CHD8: variants seen among roughly 807,000 people sequenced by gnomAD.
CHD8 encodes the protein ATP-dependent chromatin remodeler CHD8.
A neutral mutation model predicts 279.2 loss-of-function variants in CHD8; 31 were observed. That is an observed-to-expected ratio of 0.11 (90% CI 0.08 to 0.15). The LOEUF (loss-of-function observed/expected upper bound fraction) is 0.15, where lower values mean the gene tolerates loss of function less well. Ranked by LOEUF, CHD8 falls within the 10% of genes least tolerant of loss-of-function variation. The pLI is 1.00. For synonymous variants in CHD8, 1,081 were observed against 1,139.6 expected (o/e 0.95, Z 1.04); for missense variants, 2,146 against 3,230.5 (o/e 0.66, Z 8.14).
chr14:21,441,252 C>T (rs556738576), intron 1 of CHD8, among the ~76,000 whole-genome samples: 1 of 152,264 alleles, frequency 6.6e-6, no homozygotes, highest in African/African-American at 2.4e-5. Context: ...CTTTGGTCTT[C>T]CCTCCTTTGA....
intron 37 of CHD8, among the ~76,000 whole-genome samples, chr14:21,387,589 A>C (rs1857019102): frequency 6.7e-6 from 1 of 150,172 alleles, no homozygotes; most frequent in Admixed American, 6.7e-5. Flanking sequence ...AGCAGAGATC[A>C]CGGCATTGTA....
rs55884219 is a variant in CHD8, at chr14:21,394,376, G to A, written c.5500C>T (p.Arg1834Ter). The change falls in exon 31 of 38, where the codon CGA becomes TGA. Residue 1834 changes from arginine (R) to a stop codon, truncating the protein, a stop_gained. Transcript: ENST00000646647. LOFTEE classifies it high-confidence loss of function. ...FHWDRFRTFA[R>*]LDKKTDESLT... ...CTTTCATCTGTCTTTTTGTCTAGTC[G>A]AGCAAAAGTGCGGAAGCGATCCCAA... The A allele has an allele frequency of 6.2e-7, 1 of 1,613,866 alleles. No homozygotes were observed. Among genetic ancestry groups the A allele is most frequent in the Non-Finnish European group, 8.5e-7 (1 of 1,179,854 alleles).
At chr14:21,401,318 G>T in intron 21 of CHD8, 85 bp downstream of exon 21, 3 of 841,476 alleles carry the variant, frequency 3.6e-6, no homozygotes, top group South Asian at 3.6e-5. Flanking sequence ...ATCACAATTA[G>T]CATCAAATAA....
intron 1 of CHD8, among the ~76,000 whole-genome samples, chr14:21,453,927 G>C (rs867801700): frequency 6.6e-6 from 1 of 151,382 alleles, no homozygotes; most frequent in Non-Finnish European, 1.5e-5. Context: ...AGGCCGAGGC[G>C]GGAGGATCAC....
intron 1 of CHD8, among the ~76,000 whole-genome samples, chr14:21,454,222 C>G (rs978284761): frequency 1.9e-5 from 2 of 106,700 alleles, no homozygotes; most frequent in Non-Finnish European, 4.5e-5. Context: ...GAAAAGAAAA[C>G]TGACAAAACC....
intron 1 of CHD8, among the ~76,000 whole-genome samples, chr14:21,439,554 A>G (rs1159920311): frequency 6.6e-6 from 1 of 152,228 alleles, no homozygotes; most frequent in Non-Finnish European, 1.5e-5. Flanking sequence ...TAGGATTCAT[A>G]TATCTGACTC....
intron 29 of CHD8, 75 bp from the exon 30 acceptor site, chr14:21,395,194 C>G: frequency 1.3e-6 from 2 of 1,534,978 alleles, no homozygotes; most frequent in Non-Finnish European, 1.8e-6. Flanking sequence ...TTAACCCACC[C>G]AAAGGCAAAG....
chr14:21,426,910 GTC>G (rs1209213094), intron 4 of CHD8: 9 of 152,378 alleles, frequency 5.9e-5, no homozygotes, highest in Admixed American at 5.9e-4. Context: ...GGACAGCTAT[GTC>G]TCCAGTAGTT....
chr14:21,420,907 C>T (rs934075597), intron 5 of CHD8, among the ~76,000 whole-genome samples: 4 of 152,036 alleles, frequency 2.6e-5, no homozygotes, highest in African/African-American at 9.7e-5. Context: ...GGATTACAAG[C>T]GTGCACCACC....
At chr14:21,436,299 C>T (rs1365159297) in intron 1 of CHD8, among the ~76,000 whole-genome samples, 1 of 152,138 alleles carries the variant, frequency 6.6e-6, no homozygotes, top group African/African-American at 2.4e-5. Context: ...TGGGTAGAAG[C>T]AGCTTAATTT....
intron 7 of CHD8, 164 bp downstream of exon 7, chr14:21,415,410 G>A (rs1414539505): frequency 2.7e-6 from 1 of 364,290 alleles, no homozygotes; most frequent in Non-Finnish European, 4.6e-6. Flanking sequence ...TGAGGCAGAA[G>A]AATAGCTCAA....
Position 21,415,569 on chromosome 14 carries a change from C to T in CHD8, c.1968+5G>A. On this transcript the variant is annotated splice_donor_5th_base_variant and intron_variant, in intron 7 of 37. Coordinates refer to ENST00000646647, the MANE Select transcript of CHD8 (RefSeq NM_001170629.2). ...AAAATAATAATAATAATAAAAAGCCCTCACCTCCTTCTTCACAATCCGCAT... is the reference window on the plus strand; with the variant it reads ...AAAATAATAATAATAATAAAAAGCCTTCACCTCCTTCTTCACAATCCGCAT... The T allele has an allele frequency of 7.1e-7, 1 of 1,402,868 alleles. No homozygotes were observed. The allele number at this position is 1,402,868 out of a possible 1,614,324, so 86.9% of individuals were successfully genotyped here. A position where few individuals can be genotyped will look rare whatever the true frequency, so the allele number is the denominator to read the frequency against.
chr14:21,401,211 T>C, intron 21 of CHD8, 140 bp from the exon 22 acceptor site: 1 of 891,272 alleles, frequency 1.1e-6, no homozygotes, highest in Non-Finnish European at 1.7e-6. Flanking sequence ...TAAAATAATC[T>C]ACAGAAAGCA....
rs1889460096 is a variant in CHD8 at position 21,429,287 on chromosome 14, C to T, written c.892G>A (p.Gly298Ser). ...TLVLQQPQSG[G>S]PQGHRHVVLG... ...ACAACATGCCGATGTCCTTGGGGAC[C>T]TCCAGACTGTGGCTGCTGGAGGACC... Residue 298 changes from glycine (G) to serine (S), a missense_variant, in exon 3 of 38, where the codon GGT becomes AGT. Transcript: ENST00000646647. 6.2e-7 allele frequency: 1 copy of T among 1,606,486 alleles called. No homozygotes were observed. The highest frequency in any genetic ancestry group is 8.5e-7 in the Non-Finnish European group (1 of 1,174,458).
Position 21,401,973 on chromosome 14 carries a change from C to A in CHD8, c.4046G>T (p.Gly1349Val). Reference sequence around the variant, plus strand: ...AGAACATGCCTTAGCAAAGGTGGAACCTTTTCCTTCAGATTCAATGGTGAT... The same window carrying A: ...AGAACATGCCTTAGCAAAGGTGGAAACTTTTCCTTCAGATTCAATGGTGAT... Reference protein sequence around the residue: ...TTITIESEGKGSTFAKASFVA... With the variant: ...TTITIESEGKVSTFAKASFVA... The change falls in exon 20 of 38, where the codon GGT becomes GTT. Residue 1349 changes from glycine (G) to valine (V), a missense_variant. This residue lies in a region of CHD8 where 14 missense variants were observed against 40.7 expected (regional missense o/e 0.34). Transcript: ENST00000646647. The A allele has an allele frequency of 6.2e-7, 1 of 1,612,778 alleles. No homozygotes were observed. The highest frequency in any genetic ancestry group is 8.5e-7 in the Non-Finnish European group (1 of 1,179,632).
intron 1 of CHD8, among the ~76,000 whole-genome samples, chr14:21,434,653 G>A (rs1213253972): frequency 6.6e-6 from 1 of 152,004 alleles, no homozygotes; most frequent in Non-Finnish European, 1.5e-5. Flanking sequence ...TTCGGTCTAT[G>A]CCTAATAATT....
In CHD8 at chr14:21,393,895, T is replaced by G; in HGVS notation, c.5900A>C (p.Asn1967Thr). Residue 1967 changes from asparagine (N) to threonine (T), a missense_variant, in exon 32 of 38, where the codon AAC becomes ACC. Asn to Thr is a moderately conservative substitution (Grantham distance 65). Transcript: ENST00000646647. ...TGGAGCTGGTGCTCCTGCTTGATGG[T>G]TCTGCATATAATTCATACGGGCAGC... is the stretch of plus-strand genomic sequence containing the variant. ...FLAARMNYMQ[N>T]HQAGAPAPSL... 1 of 1,613,978 alleles carries G rather than the reference T, an allele frequency of 6.2e-7. No homozygotes were observed.
At position 21,431,743 on chromosome 14, in the gene CHD8, A is replaced by G; in HGVS notation, c.-100T>C. 1 of 1,612,614 alleles carries G rather than the reference A, an allele frequency of 6.2e-7. No homozygotes were observed. The highest frequency in any genetic ancestry group is 8.5e-7 in the Non-Finnish European group (1 of 1,178,980). ...CCCTCCCCTATTAAGAAAAAAATGT[A>G]CACAATGTAAGAGGACTACTCTTCA... is the stretch of plus-strand genomic sequence containing the variant. On this transcript the variant is annotated 5_prime_UTR_variant, in exon 2 of 38. Coordinates refer to ENST00000646647, the MANE Select transcript of CHD8 (RefSeq NM_001170629.2).
At chr14:21,450,137 GAA>G (rs545719892) in intron 1 of CHD8, among the ~76,000 whole-genome samples, 3 of 151,452 alleles carry the variant, frequency 2.0e-5, no homozygotes, top group African/African-American at 7.3e-5. Flanking sequence ...AATAGAAAAT[GAA>G]AAAAAAGATG....
Sources: gnomAD v4.1 joint callset for allele counts (sites outside exome capture counted in the v4.1 genomes callset) on GRCh38, gnomAD v4.1.1 for gene constraint, gnomAD v4.1.1 regional missense constraint, MANE v1.5 for transcripts, NCBI Gene and HGNC (gene_info 2026-07-23, HGNC 2026-07-21) for gene names.